Variants in MYO18B observed in about 807,000 individuals in gnomAD.
MYO18B encodes myosin XVIIIB, also known as unconventional myosin-XVIIIb.
MYO18B carries 204 observed loss-of-function variants against 273.0 expected under a neutral mutation model. That is an observed-to-expected ratio of 0.75 (90% CI 0.67 to 0.84). The LOEUF is 0.84. MYO18B is among the 40% of genes least tolerant of loss of function. The pLI is 0.00. For synonymous variants in MYO18B, 1,330 were observed against 1,305.7 expected (o/e 1.02, Z -0.40); for missense variants, 3,212 against 3,287.6 (o/e 0.98, Z 0.56).
At chr22:25,862,700 T>C (rs908518756) in intron 21 of MYO18B, among the ~76,000 whole-genome samples, 2 of 152,184 alleles carry the variant, frequency 1.3e-5, no homozygotes, top group Non-Finnish European at 2.9e-5. Flanking sequence ...CCACTAATTG[T>C]TTTGATGCTT....
intron 39 of MYO18B, among the ~76,000 whole-genome samples, chr22:25,980,408 C>G (rs1423273948): frequency 1.3e-5 from 2 of 152,280 alleles, no homozygotes; most frequent in South Asian, 4.1e-4. Flanking sequence ...GTGCCTGGAG[C>G]AGCAAGCCCT....
chr22:25,768,351 GA>G lies in MYO18B; in HGVS notation c.436del (p.Arg146GlyfsTer3). 1 of 1,613,840 alleles carries G rather than the reference GA, an allele frequency of 6.2e-7. No homozygotes were observed. Reference sequence around the variant, plus strand: ...CAACCAAAAAGACTGTCCCCTTCAAGAGGGGCGTGAGGAGGGGTGATGTGTT... The same window carrying G: ...CAACCAAAAAGACTGTCCCCTTCAAGGGGGCGTGAGGAGGGGTGATGTGTT... Reference protein sequence around the residue: ...TPTKKTVPFKRGVRRGDVLLM... With the variant: ...TPTKKTVPFKXGVRRGDVLLM... On this transcript the variant is annotated frameshift_variant, in exon 4 of 44. Coordinates refer to ENST00000335473, the MANE Select transcript of MYO18B (RefSeq NM_032608.7). LOFTEE classifies it high-confidence loss of function.
intron 12 of MYO18B, among the ~76,000 whole-genome samples, chr22:25,817,468 C>T (rs1278626002): frequency 6.7e-6 from 1 of 148,372 alleles, no homozygotes; most frequent in African/African-American, 2.5e-5. Flanking sequence ...TTCCCCTTCC[C>T]TTTCCTCTTT....
intron 31 of MYO18B, 61 bp from the exon 32 acceptor site, chr22:25,908,261 A>T: frequency 7.6e-7 from 1 of 1,319,186 alleles, no homozygotes; most frequent in Non-Finnish European, 1.1e-6. Flanking sequence ...CAAGGATGAC[A>T]TGGAGGGCTT....
At chr22:25,829,605 G>A (rs1187270636) in intron 15 of MYO18B, among the ~76,000 whole-genome samples, 3 of 151,616 alleles carry the variant, frequency 2.0e-5, no homozygotes, top group African/African-American at 4.8e-5. Context: ...TTGGGAGCCC[G>A]AGGCGGGCGG....
At chr22:25,841,502 C>T (rs796379222) in intron 17 of MYO18B, among the ~76,000 whole-genome samples, 6 of 152,300 alleles carry the variant, frequency 3.9e-5, no homozygotes, top group African/African-American at 1.4e-4. Context: ...TGGACAGAGG[C>T]AGGCTTTTGG....
Position 25,864,087 on chromosome 22 carries a change from A to G in MYO18B, c.3886-4233A>G, listed in dbSNP as rs548213026. ...GGGTTTTTTCCATGCTTTGCTCCAT[A>G]TAGGTGAGCCCCTTCTGGAAGCAAA... On this transcript the variant is annotated intron_variant, in intron 21 of 43. Coordinates refer to ENST00000335473, the MANE Select transcript of MYO18B (RefSeq NM_032608.7). 3.3e-5 allele frequency among the ~76,000 whole-genome samples: 5 copies of G among 152,292 alleles called. No individual in the cohort carries two copies. In the South Asian group the frequency reaches 8.3e-4, roughly 25 times the overall value.
intron 11 of MYO18B, among the ~76,000 whole-genome samples, chr22:25,795,085 G>A (rs1023027155): frequency 6.6e-6 from 1 of 152,232 alleles, no homozygotes; most frequent in Admixed American, 6.5e-5. Context: ...GCGTGTCTCA[G>A]TGGCTTGTTC....
chr22:25,806,359 T>A (rs1019370921), intron 12 of MYO18B, among the ~76,000 whole-genome samples: 1 of 152,152 alleles, frequency 6.6e-6, no homozygotes, highest in Admixed American at 6.5e-5. Context: ...CTCCTGGGCT[T>A]AGTCAGTTTA....
chr22:25,749,698 G>A (rs1369298806), intron 1 of MYO18B, among the ~76,000 whole-genome samples: 1 of 152,168 alleles, frequency 6.6e-6, no homozygotes, highest in East Asian at 1.9e-4. Flanking sequence ...CGGTCGTCTT[G>A]TTCCCCATTA....
intron 40 of MYO18B, among the ~76,000 whole-genome samples, chr22:25,993,796 C>G (rs1452280738): frequency 2.0e-5 from 3 of 152,022 alleles, no homozygotes; most frequent in Admixed American, 6.5e-5. Context: ...GAAGGAAGAA[C>G]CAGACATCTA....
intron 12 of MYO18B, among the ~76,000 whole-genome samples, chr22:25,809,068 G>T (rs1052930600): frequency 6.6e-6 from 1 of 151,960 alleles, no homozygotes; most frequent in African/African-American, 2.4e-5. Context: ...TTAGCCTCCC[G>T]AGTAGCTGGG....
intron 33 of MYO18B, 65 bp downstream of exon 33, chr22:25,911,115 C>A: frequency 8.2e-7 from 1 of 1,214,848 alleles, no homozygotes; most frequent in East Asian, 2.5e-5. Flanking sequence ...GAGATGGGCT[C>A]ATGGAGAGAA....
At chr22:26,030,184 A>G (rs550584873) in intron 43 of MYO18B, among the ~76,000 whole-genome samples, 1 of 152,164 alleles carries the variant, frequency 6.6e-6, no homozygotes, top group Non-Finnish European at 1.5e-5. Context: ...CAGCCTGGGC[A>G]ACATAGTGAG....
intron 42 of MYO18B, among the ~76,000 whole-genome samples, chr22:26,015,849 T>C (rs1935284350): frequency 6.6e-6 from 1 of 152,228 alleles, no homozygotes; most frequent in Admixed American, 6.5e-5. Flanking sequence ...AACTTTCACT[T>C]ATATTTTCTT....
intron 12 of MYO18B, among the ~76,000 whole-genome samples, chr22:25,802,565 A>G (rs186271955): frequency 7.7e-4 from 117 of 152,026 alleles, no homozygotes; most frequent in African/African-American, 2.7e-3. Flanking sequence ...CCTGGCTGAT[A>G]CAGGAAACCT....
intron 17 of MYO18B, 61 bp downstream of exon 17, chr22:25,835,504 T>C: frequency 6.2e-7 from 1 of 1,601,938 alleles, no homozygotes; most frequent in Non-Finnish European, 8.5e-7. Flanking sequence ...GAATCTGTTC[T>C]TCTCTGCTGC....
chr22:25,782,174 A>G (rs1233984581), intron 10 of MYO18B, among the ~76,000 whole-genome samples: 1 of 152,170 alleles, frequency 6.6e-6, no homozygotes, highest in Non-Finnish European at 1.5e-5. Context: ...TAATGTGGAA[A>G]CAACACCTTG....
chr22:25,913,789 A>T (rs2092207770), intron 33 of MYO18B, among the ~76,000 whole-genome samples: 2 of 152,210 alleles, frequency 1.3e-5, no homozygotes, highest in African/African-American at 2.4e-5. Flanking sequence ...TTTTGCAAAT[A>T]TCTCCTACAC....
Sources: gnomAD v4.1 joint callset for allele counts (sites outside exome capture counted in the v4.1 genomes callset) on GRCh38, gnomAD v4.1.1 for gene constraint, MANE v1.5 for transcripts, NCBI Gene and HGNC (gene_info 2026-07-23, HGNC 2026-07-21) for gene names.